Variants in NFASC observed in about 807,000 individuals in gnomAD.
NFASC encodes the protein neurofascin homolog.
Under a neutral mutation model 147.5 loss-of-function variants are expected in NFASC, and 43 were observed. The observed-to-expected ratio is 0.29, with a 90% CI of 0.23 to 0.38. The LOEUF is 0.38. Among genes scored for constraint, NFASC ranks in the 10% least tolerant of loss-of-function variants. The pLI is 1.00. For missense variants in NFASC, 1,320 were observed against 1,689.0 expected (o/e 0.78, Z 3.83); for synonymous variants, 622 against 665.5 (o/e 0.93, Z 1.01).
chr1:204,978,046 GA>G (rs2095442050), intron 17 of NFASC, among the ~76,000 whole-genome samples: 1 of 152,214 alleles, frequency 6.6e-6, no homozygotes, highest in Admixed American at 6.5e-5. Flanking sequence ...CAGGGAATGC[GA>G]AAGCCTGCTC....
chr1:204,854,084 C>G (rs1376139705), intron 1 of NFASC, among the ~76,000 whole-genome samples: 1 of 152,128 alleles, frequency 6.6e-6, no homozygotes. Flanking sequence ...GCCCATTCCC[C>G]ACCCCCACCC....
rs775709334 is a variant in NFASC, at chr1:204,987,435, C to T, written c.2488C>T (p.Arg830Cys). ...TCCCCAAGTACCCAGTGCCCCTAGG[C>T]GTTTCCGAGTCCGGCAGCCCAACCT... Reference protein sequence around the residue: ...SGEDLPSAPRRFRVRQPNLET... With the variant: ...SGEDLPSAPRCFRVRQPNLET... Residue 830 changes from arginine (R) to cysteine (C), a missense_variant, in exon 22 of 30, where the codon CGT becomes TGT. Around this residue, in one of 3 missense-constraint regions of NFASC, gnomAD observed 981 missense variants for 1,289.5 expected, o/e 0.76. Coordinates refer to ENST00000339876, the MANE Select transcript of NFASC (RefSeq NM_001005388.3). This position sits in a 1 kb window ranked among gnomAD's most constrained non-coding sequence, Gnocchi z 4.4. The T allele has an allele frequency of 2.7e-5, 44 of 1,613,860 alleles. No individual in the cohort carries two copies. In the South Asian group the frequency reaches 3.7e-4, roughly 14 times the overall value.
chr1:204,838,280 C>T (rs1353131796), intron 1 of NFASC, among the ~76,000 whole-genome samples: 1 of 152,204 alleles, frequency 6.6e-6, no homozygotes, highest in Non-Finnish European at 1.5e-5. Flanking sequence ...TATTAGACTG[C>T]ACAGCTCTAT....
In NFASC at chr1:204,993,589, C is replaced by T. The variant is rs72753459; in HGVS notation, c.2782+2283C>T. On this transcript the variant is annotated intron_variant, in intron 24 of 29. Transcript: ENST00000339876. ...CACAAACCTGTGAGGTTGACGCTGC[C>T]ATCTAGGAAGGGCCTTGTGCTTCCA... 5.5e-3 allele frequency among the ~76,000 whole-genome samples: 844 copies of T among 152,286 alleles called. 12 individuals carry two copies. Among genetic ancestry groups the T allele is most frequent in the South Asian group, 0.011 (54 of 4,824 alleles).
chr1:205,000,723 A>T, intron 25 of NFASC: 1 of 188,002 alleles, frequency 5.3e-6, no homozygotes, highest in Non-Finnish European at 1.1e-5. Context: ...GCTACTTGGG[A>T]GGCTGAGGCA....
chr1:204,986,411 C>T lies in NFASC; in HGVS notation c.2471-1007C>T, dbSNP rs1380025433. ...GGGCACGGCGGGCACCTGGGCCACC[C>T]CACCACCTTCCGAGGCAGAAGGCAG... is the stretch of plus-strand genomic sequence containing the variant. On this transcript the variant is annotated intron_variant, in intron 21 of 29. Coordinates refer to ENST00000339876, the MANE Select transcript of NFASC (RefSeq NM_001005388.3). The surrounding 1 kb of genome is among the most constrained non-coding windows in gnomAD (Gnocchi z 4.2). 6.6e-6 allele frequency among the ~76,000 whole-genome samples: 1 copy of T among 152,228 alleles called. No homozygotes were observed. The highest frequency in any genetic ancestry group is 2.4e-5 in the African/African-American group (1 of 41,462).
Position 204,979,296 on chromosome 1 carries a change from G to A in NFASC, c.1979-66G>A. ...AAGATCAATGGAAGCCAAGAAGGAA[G>A]TGCTTTTAAAGAAGACCACTGCTAA... On this transcript the variant is annotated intron_variant, in intron 18 of 29. Transcript: ENST00000339876. This position sits in a 1 kb window ranked among gnomAD's most constrained non-coding sequence, Gnocchi z 6.0. 7.7e-7 allele frequency: 1 copy of A among 1,291,734 alleles called. No homozygotes were observed. Among genetic ancestry groups the A allele is most frequent in the Non-Finnish European group, 1.1e-6 (1 of 887,068 alleles). The allele number at this position is 1,291,734 out of a possible 1,614,324, so 80.0% of individuals were successfully genotyped here. A position where few individuals can be genotyped will look rare whatever the true frequency, so the allele number is the denominator to read the frequency against.
intron 1 of NFASC, among the ~76,000 whole-genome samples, chr1:204,857,559 C>T (rs994434606): frequency 6.6e-6 from 1 of 152,240 alleles, no homozygotes; most frequent in Non-Finnish European, 1.5e-5. Context: ...GTCGCAGCCC[C>T]CAGAATCCCA....
At chr1:204,841,500 T>C (rs1219585931) in intron 1 of NFASC, among the ~76,000 whole-genome samples, 3 of 152,176 alleles carry the variant, frequency 2.0e-5, no homozygotes, top group Non-Finnish European at 4.4e-5. Context: ...GGGAGCTTTG[T>C]GAGTCTTAGC....
Position 204,901,022 on chromosome 1 carries a change from G to T in NFASC, c.-199-19610G>T, listed in dbSNP as rs564869108. On this transcript the variant is annotated intron_variant, in intron 1 of 29. Transcript: ENST00000339876. ...AGGCACTAGGATTTGCTGATGGCTTGGGTGTAAGGTGAGAGAGAAAGAGAG... is the reference window on the plus strand; with the variant it reads ...AGGCACTAGGATTTGCTGATGGCTTTGGTGTAAGGTGAGAGAGAAAGAGAG... Among the ~76,000 whole-genome samples, 42 of 152,218 alleles carry T rather than the reference G, an allele frequency of 2.8e-4. 1 individual carries two copies. The South Asian group carries it at 8.7e-3, about 32-fold the overall frequency.
chr1:204,961,972 T>C, intron 8 of NFASC: 1 of 673,300 alleles, frequency 1.5e-6, no homozygotes, highest in Non-Finnish European at 2.7e-6. Context: ...AAATATGCCG[T>C]GTCTTTCCTT....
chr1:204,862,222 CA>C (rs2076738723), intron 1 of NFASC, among the ~76,000 whole-genome samples: 1 of 152,114 alleles, frequency 6.6e-6, no homozygotes, highest in South Asian at 2.1e-4. Flanking sequence ...CTCTATCTTT[CA>C]ACTTAAGAAA....
intron 1 of NFASC, among the ~76,000 whole-genome samples, chr1:204,915,444 A>T (rs1039736460): frequency 6.6e-5 from 10 of 152,126 alleles, no homozygotes; most frequent in African/African-American, 2.4e-4. Flanking sequence ...GTTTACATAG[A>T]CTCTCTGGGA....
intron 1 of NFASC, among the ~76,000 whole-genome samples, chr1:204,840,058 C>T (rs1450257194): frequency 6.6e-6 from 1 of 152,196 alleles, no homozygotes; most frequent in Non-Finnish European, 1.5e-5. Context: ...CACCATCCTC[C>T]ACATAGTGCT....
intron 1 of NFASC, among the ~76,000 whole-genome samples, chr1:204,883,165 C>A (rs185870140): frequency 6.6e-6 from 1 of 152,272 alleles, no homozygotes; most frequent in East Asian, 1.9e-4. Context: ...ATGACTCGCA[C>A]TGGGAGCCCA....
intron 1 of NFASC, among the ~76,000 whole-genome samples, chr1:204,863,186 C>T (rs1218618612): frequency 7.2e-5 from 11 of 152,138 alleles, no homozygotes; most frequent in Admixed American, 4.6e-4. Context: ...ACAGGGTCAG[C>T]GGAATTTCAG....
chr1:204,926,771 C>T (rs1263143523), intron 2 of NFASC, among the ~76,000 whole-genome samples: 2 of 150,550 alleles, frequency 1.3e-5, no homozygotes, highest in Admixed American at 6.6e-5. Flanking sequence ...ATAATATTTA[C>T]TATATAAATT....
chr1:204,953,840 C>T (rs1268546275), intron 5 of NFASC, among the ~76,000 whole-genome samples: 1 of 152,154 alleles, frequency 6.6e-6, no homozygotes, highest in Non-Finnish European at 1.5e-5. Context: ...ATTCTAGATT[C>T]TAGAAATGAA....
chr1:205,011,212 C>CCCCG (rs2096248530), intron 28 of NFASC, among the ~76,000 whole-genome samples: 1 of 151,728 alleles, frequency 6.6e-6, no homozygotes, highest in South Asian at 2.1e-4. Context: ...CCAGGACCCC[C>CCCCG]CCCAAAACTC....
Sources: gnomAD v4.1 joint callset for allele counts (sites outside exome capture counted in the v4.1 genomes callset) on GRCh38, gnomAD v4.1.1 for gene constraint, gnomAD v4.1.1 regional missense constraint, Gnocchi (gnomAD v3.1) non-coding constraint, MANE v1.5 for transcripts, NCBI Gene and HGNC (gene_info 2026-07-23, HGNC 2026-07-21) for gene names.